The following KIF4A variants were observed in gnomAD, a reference collection of about 807,000 sequenced individuals.
KIF4A encodes the protein chromosome-associated kinesin KIF4A.
In KIF4A, 7 loss-of-function variants were observed where a neutral mutation model predicts 105.9. The observed-to-expected ratio is 0.07, with a 90% CI of 0.04 to 0.12. The LOEUF (loss-of-function observed/expected upper bound fraction) is 0.12, where lower values mean the gene tolerates loss of function less well. Among genes scored for constraint, KIF4A ranks in the 10% least tolerant of loss-of-function variants. The pLI is 1.00. For missense variants in KIF4A, 558 were observed against 929.2 expected (o/e 0.60, Z 5.19); for synonymous variants, 281 against 331.3 (o/e 0.85, Z 1.65).
chrX:70,320,004 G>T (rs1224077101), intron 7 of KIF4A, among the ~76,000 whole-genome samples: 1 of 111,530 alleles, frequency 9.0e-6, no homozygotes, highest in Non-Finnish European at 1.9e-5. Flanking sequence ...ATTAACACTT[G>T]AAAATACTCT....
chrX:70,405,452 T>C (rs1295292494), intron 25 of KIF4A, among the ~76,000 whole-genome samples: 2 of 111,519 alleles, frequency 1.8e-5, no homozygotes, highest in Non-Finnish European at 3.8e-5. Context: ...TAGTCTATGT[T>C]GAGAAGGGTA....
At chrX:70,371,471 G>C (rs939475867) in intron 15 of KIF4A, among the ~76,000 whole-genome samples, 1 of 111,932 alleles carries the variant, frequency 8.9e-6, no homozygotes, top group Non-Finnish European at 1.9e-5. Flanking sequence ...ATCATGGCCC[G>C]TTCTCAGTGA....
chrX:70,374,111 A>G (rs779959061), intron 15 of KIF4A, 40 bp from the exon 16 acceptor site: 1 of 855,054 alleles, frequency 1.2e-6, no homozygotes, highest in Non-Finnish European at 1.7e-6. Context: ...TTCCTGTGCC[A>G]TATAATGTCT....
At chrX:70,371,294 G>C (rs1394231258) in intron 15 of KIF4A, among the ~76,000 whole-genome samples, 2 of 109,213 alleles carry the variant, frequency 1.8e-5, no homozygotes, top group Non-Finnish European at 3.8e-5. Context: ...GAGAGCACAG[G>C]GTTGGGGGTA....
At chrX:70,384,783 G>A (rs148465840) in intron 18 of KIF4A, among the ~76,000 whole-genome samples, 5 of 110,341 alleles carry the variant, frequency 4.5e-5, no homozygotes, top group African/African-American at 1.6e-4. Context: ...TGAGATAATG[G>A]AGACAGAGAA....
intron 18 of KIF4A, among the ~76,000 whole-genome samples, chrX:70,386,181 C>A (rs989083929): frequency 1.8e-5 from 2 of 110,381 alleles, no homozygotes; most frequent in Non-Finnish European, 3.8e-5. Context: ...TAGACTTTCT[C>A]TTTTTTGCCA....
intron 28 of KIF4A, among the ~76,000 whole-genome samples, chrX:70,410,574 G>A (rs149428289): frequency 8.9e-6 from 1 of 112,036 alleles, no homozygotes; most frequent in African/African-American, 3.2e-5. Flanking sequence ...CCGGTTTCGT[G>A]GAAGACAGTT....
intron 15 of KIF4A, among the ~76,000 whole-genome samples, chrX:70,357,140 C>T (rs984267890): frequency 1.8e-5 from 2 of 111,033 alleles, no homozygotes; most frequent in South Asian, 3.8e-4. Context: ...CGGTGAAACC[C>T]CGTCTCTACT....
intron 10 of KIF4A, among the ~76,000 whole-genome samples, chrX:70,336,069 C>T (rs183842174): frequency 2.7e-5 from 3 of 111,748 alleles, no homozygotes; most frequent in Admixed American, 9.5e-5. Context: ...ATTATATCAC[C>T]TTTTTTTCTC....
intron 28 of KIF4A, among the ~76,000 whole-genome samples, chrX:70,412,414 T>A (rs759014613): frequency 1.8e-5 from 2 of 111,465 alleles, no homozygotes; most frequent in African/African-American, 3.3e-5. Flanking sequence ...TAGGATAAAA[T>A]AGAGAAACAT....
chrX:70,358,632 T>C (rs773481348), intron 15 of KIF4A, among the ~76,000 whole-genome samples: 1 of 112,019 alleles, frequency 8.9e-6, no homozygotes, highest in East Asian at 2.8e-4. Context: ...TGCCTTTGTT[T>C]CCTCCAGATT....
chrX:70,329,485 C>T lies in KIF4A; in HGVS notation c.859C>T (p.Pro287Ser), dbSNP rs986736282. Residue 287 changes from proline (P) to serine (S), a missense_variant, in exon 8 of 31, where the codon CCC becomes TCC. Around this residue, in one of 2 missense-constraint regions of KIF4A, gnomAD observed 89 missense variants for 248.8 expected, o/e 0.36. Transcript: ENST00000374403. ...AGATGACAAAAAGGGTGGCTTTGTG[C>T]CCTACAGAGATTCCAAGTTGACTCG... ...LGDDKKGGFVPYRDSKLTRLL... is the reference protein window; with the variant it reads ...LGDDKKGGFVSYRDSKLTRLL... 1.7e-6 allele frequency: 2 copies of T among 1,208,495 alleles called. No homozygotes were observed.
chrX:70,404,901 G>A (rs1331835562), intron 25 of KIF4A, 79 bp downstream of exon 25: 2 of 608,092 alleles, frequency 3.3e-6, no homozygotes, highest in Non-Finnish European at 5.2e-6. Flanking sequence ...CCTTGTACTT[G>A]CAGCAGAGAG....
At chrX:70,316,765 C>A (rs909514534) in intron 7 of KIF4A, among the ~76,000 whole-genome samples, 1 of 111,893 alleles carries the variant, frequency 8.9e-6, no homozygotes, top group African/African-American at 3.2e-5. Flanking sequence ...ACTGTCCAGA[C>A]TTTTAGTCCT....
intron 7 of KIF4A, among the ~76,000 whole-genome samples, chrX:70,328,747 A>G: frequency 8.9e-6 from 1 of 112,082 alleles, no homozygotes; most frequent in Non-Finnish European, 1.9e-5. Flanking sequence ...TTTCCACAGT[A>G]AGCCTAATAA....
Position 70,301,986 on chromosome X carries a change from C to T in KIF4A, c.603C>T (p.Ala201=). The part of the protein sequence containing the change: ...LEQGNNSRTV[A]STAMNSQSSR... ...AGGGCAACAACTCTAGGACTGTGGCCTCCACGGCTATGAACTCCCAGTCGT... is the reference window on the plus strand; with the variant it reads ...AGGGCAACAACTCTAGGACTGTGGCTTCCACGGCTATGAACTCCCAGTCGT... Residue 201 remains alanine (A), a synonymous_variant, in exon 6 of 31, where the codon GCC becomes GCT. Transcript: ENST00000374403. The T allele has an allele frequency of 8.3e-7, 1 of 1,211,710 alleles. No individual in the cohort carries two copies. Among genetic ancestry groups the T allele is most frequent in the South Asian group, 1.8e-5 (1 of 56,982 alleles).
intron 20 of KIF4A, among the ~76,000 whole-genome samples, chrX:70,393,862 TTTCTTTC>T (rs1246900681): frequency 1.1e-3 from 8 of 7,423 alleles, no homozygotes; most frequent in Non-Finnish European, 3.1e-3. Context: ...TCTTTCTTTC[TTTCTTTC>T]TTTTTTTTTT....
chrX:70,364,653 A>G (rs1019012588), intron 15 of KIF4A, among the ~76,000 whole-genome samples: 5 of 111,333 alleles, frequency 4.5e-5, no homozygotes, highest in African/African-American at 1.6e-4. Flanking sequence ...GCCTTGTAGT[A>G]TAGTTTGAAA....
rs1343251766 is a variant in KIF4A at position 70,303,799 on chromosome X, T to A, written c.778+1401T>A. Among the ~76,000 whole-genome samples the A allele has an allele frequency of 4.5e-5, 5 of 110,786 alleles. No individual in the cohort carries two copies. The East Asian group carries it at 1.4e-3, about 31-fold the overall frequency. On this transcript the variant is annotated intron_variant, in intron 7 of 30. Coordinates refer to ENST00000374403, the MANE Select transcript of KIF4A (RefSeq NM_012310.5). ...TCACAGAGTTGTACAATCATCATCA[T>A]AATCTAATTTTAGAACATTTTATCA...
Sources: gnomAD v4.1 joint callset for allele counts (sites outside exome capture counted in the v4.1 genomes callset) on GRCh38, gnomAD v4.1.1 for gene constraint, gnomAD v4.1.1 regional missense constraint, MANE v1.5 for transcripts, NCBI Gene and HGNC (gene_info 2026-07-23, HGNC 2026-07-21) for gene names.